SERBP1: variants seen among roughly 807,000 people sequenced by gnomAD.
The protein encoded by SERBP1 is SERPINE1 mRNA binding protein 1, also known as SERPINE1 mRNA-binding protein 1.
Under a neutral mutation model 50.2 loss-of-function variants are expected in SERBP1, and 6 were observed. The ratio of observed to expected loss-of-function variants is 0.12; its 90% CI spans 0.07 to 0.24. The LOEUF (loss-of-function observed/expected upper bound fraction) is 0.24, where lower values mean the gene tolerates loss of function less well. Among genes scored for constraint, SERBP1 ranks in the 10% least tolerant of loss-of-function variants. The pLI is 1.00. For missense variants in SERBP1, 346 were observed against 524.9 expected (o/e 0.66, Z 3.33); for synonymous variants, 168 against 182.8 (o/e 0.92, Z 0.65).
At position 67,426,193 on chromosome 1, in the gene SERBP1, G is replaced by C. The variant is rs989328651; in HGVS notation, c.406C>G (p.Arg136Gly). 1.2e-6 allele frequency: 2 copies of C among 1,608,424 alleles called. No homozygotes were observed. The highest frequency in any genetic ancestry group is 1.7e-6 in the Non-Finnish European group (2 of 1,177,846). The change falls in exon 2 of 8, where the codon CGA becomes GGA. Residue 136 changes from arginine (R) to glycine (G), a missense_variant. By Grantham distance (125) the Arg-to-Gly change is moderately radical. Around this residue, in one of 5 missense-constraint regions of SERBP1, gnomAD observed 257 missense variants for 331.2 expected, o/e 0.78. Transcript: ENST00000361219. ...TCTTCAAGTGGCTTTTCGAATCTTCGTTCACGAGGTGGTCGCCTTTCTGGT... is the reference window on the plus strand; with the variant it reads ...TCTTCAAGTGGCTTTTCGAATCTTCCTTCACGAGGTGGTCGCCTTTCTGGT... ...RRPERRPPRE[R>G]RFEKPLEEKG...
chr1:67,419,306 A>G (rs1348507860), intron 6 of SERBP1, among the ~76,000 whole-genome samples: 1 of 152,254 alleles, frequency 6.6e-6, no homozygotes, highest in Non-Finnish European at 1.5e-5. Context: ...TTAACTGGTT[A>G]TGTTATCACT....
intron 6 of SERBP1, among the ~76,000 whole-genome samples, chr1:67,416,398 G>A (rs76360985): frequency 6.6e-6 from 1 of 152,114 alleles, no homozygotes; most frequent in South Asian, 2.1e-4. Context: ...CAGTCTGGGG[G>A]AAAAAAGCAA....
At chr1:67,425,808 G>C (rs949396378) in intron 2 of SERBP1, among the ~76,000 whole-genome samples, 1 of 152,156 alleles carries the variant, frequency 6.6e-6, no homozygotes, top group African/African-American at 2.4e-5. Context: ...CCAATTTATA[G>C]CTTAACATTA....
chr1:67,429,812 G>T (rs910473681), intron 1 of SERBP1, among the ~76,000 whole-genome samples, 176 bp downstream of exon 1: 1 of 152,094 alleles, frequency 6.6e-6, no homozygotes, highest in Admixed American at 6.5e-5. Context: ...TGAACTTGGG[G>T]CTACCACGCT....
rs761675049 is a variant in SERBP1, at chr1:67,424,253, A to T, written c.720T>A (p.Thr240=). The change falls in exon 5 of 8, where the codon ACT becomes ACA. Residue 240 remains threonine, a synonymous_variant. Transcript: ENST00000361219. The part of the protein sequence containing the change: ...ELTDLDQSNV[T]EETPEGEEHH... ...GTTCTTCACCTTCAGGTGTTTCCTC[A>T]GTCACATTTGATTGATCCAAGTCAC... 5.6e-6 allele frequency: 9 copies of T among 1,612,650 alleles called. No individual in the cohort carries two copies.
In SERBP1 at chr1:67,430,036, C is replaced by A. The variant is rs751176598; in HGVS notation, c.265G>T (p.Val89Phe). The A allele has an allele frequency of 1.9e-6, 3 of 1,612,938 alleles. No individual in the cohort carries two copies. In the East Asian group the frequency reaches 6.7e-5, roughly 36 times the overall value. The change falls in exon 1 of 8, where the codon GTT becomes TTT. Residue 89 changes from valine (V) to phenylalanine (F), a missense_variant. Coordinates refer to ENST00000361219, the MANE Select transcript of SERBP1 (RefSeq NM_001018069.2). ...KNPLPPSVGV[V>F]DKKEETQPPV... is the part of the protein sequence containing the mutation. ...GGCTGCGTCTCCTCTTTCTTGTCAA[C>A]CACGCCAACGCTGGGGGGCAGCGGG...
intron 7 of SERBP1, among the ~76,000 whole-genome samples, chr1:67,414,174 T>C (rs558865792): frequency 3.9e-5 from 6 of 152,368 alleles, no homozygotes; most frequent in African/African-American, 1.4e-4. Flanking sequence ...AGTATTCTTA[T>C]ACTTTTTCCA....
intron 2 of SERBP1, 125 bp downstream of exon 2, chr1:67,426,010 G>C (rs571442788): frequency 2.6e-6 from 2 of 777,110 alleles, no homozygotes; most frequent in East Asian, 5.4e-5. Flanking sequence ...TACTCAAGAG[G>C]AGACTGAGAT....
intron 7 of SERBP1, among the ~76,000 whole-genome samples, chr1:67,414,871 G>A (rs1468748683): frequency 6.6e-6 from 1 of 152,158 alleles, no homozygotes; most frequent in Admixed American, 6.5e-5. Flanking sequence ...TCTGGAAAAT[G>A]AGAATGTCAT....
chr1:67,419,824 G>A, intron 6 of SERBP1, 185 bp downstream of exon 6: 1 of 586,414 alleles, frequency 1.7e-6, no homozygotes, highest in South Asian at 2.3e-5. Flanking sequence ...TTGATCAAAG[G>A]ACTAAATTTC....
At position 67,426,215 on chromosome 1, in the gene SERBP1, T is replaced by C; in HGVS notation, c.384A>G (p.Pro128=). 1 of 1,611,182 alleles carries C rather than the reference T, an allele frequency of 6.2e-7. No individual in the cohort carries two copies. The highest frequency in any genetic ancestry group is 8.5e-7 in the Non-Finnish European group (1 of 1,178,848). Residue 128 remains proline (P), a synonymous_variant, in exon 2 of 8, where the codon CCA becomes CCG. Coordinates refer to ENST00000361219, the MANE Select transcript of SERBP1 (RefSeq NM_001018069.2). ...QGEGKIIDRR[P]ERRPPRERRF... Reference sequence around the variant, plus strand: ...TTCGTTCACGAGGTGGTCGCCTTTCTGGTCTTCTATCAATTATTTTCCCTT... The same window carrying C: ...TTCGTTCACGAGGTGGTCGCCTTTCCGGTCTTCTATCAATTATTTTCCCTT...
intron 5 of SERBP1, among the ~76,000 whole-genome samples, chr1:67,421,244 TAA>T (rs532135794): frequency 6.6e-6 from 1 of 151,932 alleles, no homozygotes; most frequent in Non-Finnish European, 1.5e-5. Context: ...TCTAAGAATA[TAA>T]AAAAAGTCCT....
intron 7 of SERBP1, among the ~76,000 whole-genome samples, chr1:67,413,805 T>C (rs1213373635): frequency 6.6e-6 from 1 of 152,064 alleles, no homozygotes; most frequent in Non-Finnish European, 1.5e-5. Context: ...TATGGGTTGT[T>C]TTCTTTTTCT....
In SERBP1 at chr1:67,425,242, A is replaced by G; in HGVS notation, c.465-19T>C. 6.4e-7 allele frequency: 1 copy of G among 1,568,284 alleles called. No homozygotes were observed. Among genetic ancestry groups the G allele is most frequent in the Non-Finnish European group, 8.6e-7 (1 of 1,162,180 alleles). On this transcript the variant is annotated intron_variant, in intron 2 of 7. Coordinates refer to ENST00000361219, the MANE Select transcript of SERBP1 (RefSeq NM_001018069.2). ...AATCGGTCTATAATATAAACAAATA[A>G]ATTATACTTCCATGGTTTCCAGAAG... is the stretch of plus-strand genomic sequence containing the variant.
In SERBP1 at chr1:67,425,142, T is replaced by C; in HGVS notation, c.546A>G (p.Gly182=). Reference sequence around the variant, plus strand: ...GTTTGCCACGAGAATCAAATCCATCTCCTCGGCCCATTCCACGTCCACGGC... The same window carrying C: ...GTTTGCCACGAGAATCAAATCCATCCCCTCGGCCCATTCCACGTCCACGGC... ...RGGRGRGMGR[G]DGFDSRGKRE... Residue 182 remains glycine, a synonymous_variant, in exon 3 of 8, where the codon GGA becomes GGG. Transcript: ENST00000361219. The C allele has an allele frequency of 6.2e-7, 1 of 1,611,594 alleles. No homozygotes were observed.
In SERBP1 at chr1:67,411,865, CTTT is replaced by C. The variant is rs1056589985; in HGVS notation, c.*1339_*1341del. On this transcript the variant is annotated 3_prime_UTR_variant, in exon 8 of 8. Transcript: ENST00000361219. ...CAGAATAAAAGACAATCCTAGAAAA[CTTT>C]TTTAATTCATCATTCTATGTGTGTT... The C allele has an allele frequency of 6.6e-6, 1 of 152,104 alleles. No homozygotes were observed. Among genetic ancestry groups the C allele is most frequent in the Non-Finnish European group, 1.5e-5 (1 of 67,990 alleles). 9.4% of individuals were successfully genotyped at this position (152,104 alleles called of 1,614,324 possible).
chr1:67,429,780 G>A (rs1003876351), intron 1 of SERBP1: 24 of 556,160 alleles, frequency 4.3e-5, no homozygotes, highest in Non-Finnish European at 6.5e-5. Flanking sequence ...GGATGGCTCC[G>A]AGAACCTCGC....
chr1:67,408,777 A>C lies in SERBP1; in HGVS notation c.*4430T>G, dbSNP rs1557495240. 6.6e-6 allele frequency: 1 copy of C among 152,186 alleles called. No individual in the cohort carries two copies. The highest frequency in any genetic ancestry group is 1.5e-5 in the Non-Finnish European group (1 of 68,040). The allele number at this position is 152,186 out of a possible 1,614,324, so 9.4% of individuals were successfully genotyped here. ...TTTTTAACAGATTATACACCCCTTA[A>C]CAGCTTTCAAAATATATTTTATGTT... On this transcript the variant is annotated 3_prime_UTR_variant, in exon 8 of 8. Coordinates refer to ENST00000361219, the MANE Select transcript of SERBP1 (RefSeq NM_001018069.2).
chr1:67,425,304 G>A (rs1264292430), intron 2 of SERBP1, 81 bp from the exon 3 acceptor site: 2 of 1,330,196 alleles, frequency 1.5e-6, no homozygotes, highest in African/African-American at 1.5e-5. Flanking sequence ...CAAAAATACA[G>A]AACATGTTTA....
Sources: allele counts gnomAD v4.1 joint callset (sites outside exome capture counted in the v4.1 genomes callset), GRCh38; gene constraint gnomAD v4.1.1; regional missense constraint gnomAD v4.1.1; transcripts MANE v1.5; gene names NCBI Gene and HGNC (gene_info 2026-07-23, HGNC 2026-07-21).